Variants in HS6ST2 observed in about 807,000 individuals in gnomAD.
HS6ST2 encodes heparan sulfate 6-O-sulfotransferase 2, also known as heparan-sulfate 6-O-sulfotransferase 2.
A neutral mutation model predicts 33.0 loss-of-function variants in HS6ST2; 17 were observed. The ratio of observed to expected loss-of-function variants is 0.52; its 90% confidence interval spans 0.35 to 0.77. HS6ST2 has a LOEUF of 0.77. Among genes scored for constraint, HS6ST2 ranks in the 30% least tolerant of loss-of-function variants. The pLI, the probability that HS6ST2 is intolerant of heterozygous loss-of-function variation, is 0.01. For synonymous variants in HS6ST2, 248 were observed against 237.1 expected (o/e 1.05, Z -0.42); for missense variants, 519 against 551.7 (o/e 0.94, Z 0.59).
intron 2 of HS6ST2, among the ~76,000 whole-genome samples, chrX:132,897,654 A>T (rs1477206665): frequency 1.8e-5 from 2 of 111,138 alleles, no homozygotes; most frequent in Non-Finnish European, 3.8e-5. Flanking sequence ...TAGACATGCA[A>T]AAAAATAGGG....
chrX:132,709,680 G>T (rs746556394), intron 2 of HS6ST2, among the ~76,000 whole-genome samples: 1 of 110,411 alleles, frequency 9.1e-6, no homozygotes, highest in African/African-American at 3.3e-5. Flanking sequence ...CCAGCCGCAA[G>T]AAATAAGTAA....
At chrX:132,783,134 G>A (rs1328539005) in intron 2 of HS6ST2, among the ~76,000 whole-genome samples, 3 of 111,502 alleles carry the variant, frequency 2.7e-5, no homozygotes, top group African/African-American at 9.8e-5. Flanking sequence ...TCAGTGACCT[G>A]GGCCTCAGTT....
At chrX:132,670,347 GCCATGCACCCATCAGCTTCAAA>G (rs2063857702) in intron 3 of HS6ST2, among the ~76,000 whole-genome samples, 1 of 111,634 alleles carries the variant, frequency 9.0e-6, no homozygotes, top group Non-Finnish European at 1.9e-5. Flanking sequence ...AAGATATTCT[GCCATGCACCCATCAGCTTCAAA>G]TGACTTCATG....
chrX:132,703,692 C>T (rs1174686005), intron 3 of HS6ST2, among the ~76,000 whole-genome samples: 2 of 112,308 alleles, frequency 1.8e-5, no homozygotes, highest in Non-Finnish European at 3.8e-5. Flanking sequence ...GCCTGGAACA[C>T]TGGCAAGCCA....
At position 132,671,418 on chromosome X, in the gene HS6ST2, G is replaced by C. The variant is rs776678877; in HGVS notation, c.981-2219C>G. ...ATTTAAGTCATCACTAAATCACTAAGTGCTGAGTCACTAAGTTCATTCATT... is the reference window on the plus strand; with the variant it reads ...ATTTAAGTCATCACTAAATCACTAACTGCTGAGTCACTAAGTTCATTCATT... On this transcript the variant is annotated intron_variant, in intron 3 of 4. Transcript: ENST00000370833. 2.8e-5 allele frequency among the ~76,000 whole-genome samples: 3 copies of C among 107,203 alleles called. No individual in the cohort carries two copies. In the South Asian group the frequency reaches 1.3e-3, roughly 46 times the overall value. 93.1% of individuals were successfully genotyped at this position (107,203 alleles called of 115,157 possible). A position where few individuals can be genotyped will look rare whatever the true frequency, so the allele number is the denominator to read the frequency against.
chrX:132,921,989 T>C (rs1368609640), intron 2 of HS6ST2, among the ~76,000 whole-genome samples: 2 of 112,564 alleles, frequency 1.8e-5, no homozygotes, highest in Non-Finnish European at 3.7e-5. Context: ...CATTAGATGC[T>C]GATGAGCTAT....
At chrX:132,951,318 A>G (rs1470118280) in intron 2 of HS6ST2, among the ~76,000 whole-genome samples, 1 of 110,938 alleles carries the variant, frequency 9.0e-6, no homozygotes, top group East Asian at 2.9e-4. Flanking sequence ...CCTAACCATT[A>G]TTACTCCAAG....
At chrX:132,653,336 GTTC>G (rs1277300033) in intron 4 of HS6ST2, among the ~76,000 whole-genome samples, 1 of 112,253 alleles carries the variant, frequency 8.9e-6, no homozygotes, top group African/African-American at 3.2e-5. Context: ...TTTTCAATGT[GTTC>G]TTAATAGACC....
chrX:132,850,255 G>T (rs2065790063), intron 2 of HS6ST2, among the ~76,000 whole-genome samples: 1 of 111,927 alleles, frequency 8.9e-6, no homozygotes, highest in African/African-American at 3.2e-5. Context: ...GTATTATTAT[G>T]TAAATAATGA....
At chrX:132,701,613 A>G (rs1474961296) in intron 3 of HS6ST2, among the ~76,000 whole-genome samples, 1 of 111,936 alleles carries the variant, frequency 8.9e-6, no homozygotes, top group Non-Finnish European at 1.9e-5. Context: ...CTGCTTCCCC[A>G]TCTTCTCCCA....
intron 2 of HS6ST2, among the ~76,000 whole-genome samples, chrX:132,757,617 T>G (rs937365150): frequency 9.1e-6 from 1 of 110,309 alleles, no homozygotes; most frequent in African/African-American, 3.3e-5. Context: ...TCTCTCTCTC[T>G]CTCTCTCAGC....
chrX:132,759,443 G>A (rs2064785397), intron 2 of HS6ST2, among the ~76,000 whole-genome samples: 1 of 110,792 alleles, frequency 9.0e-6, no homozygotes, highest in Admixed American at 9.7e-5. Context: ...TAGCCTTCCT[G>A]AACTTCTCAG....
At position 132,915,518 on chromosome X, in the gene HS6ST2, T is replaced by C. The variant is rs760344502; in HGVS notation, c.947+41290A>G. Among the ~76,000 whole-genome samples, 10 of 111,587 alleles carry C rather than the reference T, an allele frequency of 9.0e-5. No individual in the cohort carries two copies. In the East Asian group the frequency reaches 2.3e-3, roughly 25 times the overall value. On this transcript the variant is annotated intron_variant, in intron 2 of 4. Coordinates refer to ENST00000370833, the MANE Select transcript of HS6ST2 (RefSeq NM_001394073.1). ...TCAGTTCTGTTAACTGTCTGCATGA[T>C]CTTGAGCCAATTGCTTATCCTCCCT...
intron 3 of HS6ST2, 116 bp from the exon 4 acceptor site, chrX:132,669,315 C>G: frequency 2.2e-6 from 1 of 463,209 alleles, no homozygotes; most frequent in Non-Finnish European, 3.5e-6. Flanking sequence ...CCCCACCACC[C>G]CCTGGCCAAT....
At chrX:132,879,804 T>G (rs980814205) in intron 2 of HS6ST2, among the ~76,000 whole-genome samples, 15 of 112,034 alleles carry the variant, frequency 1.3e-4, no homozygotes, top group Admixed American at 4.7e-4. Flanking sequence ...TAGCAGCTCA[T>G]TGAGTAATGG....
intron 2 of HS6ST2, among the ~76,000 whole-genome samples, chrX:132,822,003 A>G (rs1321943708): frequency 3.4e-5 from 3 of 87,208 alleles, no homozygotes; most frequent in African/African-American, 1.6e-4. Context: ...AAAATAAATA[A>G]ATGAAAGCAC....
At chrX:132,831,198 A>G (rs1053309222) in intron 2 of HS6ST2, among the ~76,000 whole-genome samples, 11 of 111,164 alleles carry the variant, frequency 9.9e-5, no homozygotes, top group African/African-American at 3.3e-4. Context: ...AATAATAAAC[A>G]TGAGGAGAAA....
chrX:132,921,869 T>C lies in HS6ST2; in HGVS notation c.947+34939A>G, dbSNP rs555327542. 2.7e-5 allele frequency among the ~76,000 whole-genome samples: 3 copies of C among 112,206 alleles called. No homozygotes were observed. In the South Asian group the frequency reaches 1.1e-3, roughly 42 times the overall value. On this transcript the variant is annotated intron_variant, in intron 2 of 4. Coordinates refer to ENST00000370833, the MANE Select transcript of HS6ST2 (RefSeq NM_001394073.1). ...GTCAATGAGAAGCCCATATCATCCT[T>C]CAGCCAGACATGTCAATGGCTTAAT...
chrX:132,769,710 A>G (rs1422029918), intron 2 of HS6ST2, among the ~76,000 whole-genome samples: 1 of 112,670 alleles, frequency 8.9e-6, no homozygotes, highest in African/African-American at 3.2e-5. Flanking sequence ...TTCTACCAAG[A>G]AAAAACACAC....
Sources: allele counts gnomAD v4.1 joint callset (sites outside exome capture counted in the v4.1 genomes callset), GRCh38; gene constraint gnomAD v4.1.1; transcripts MANE v1.5; gene names NCBI Gene and HGNC (gene_info 2026-07-23, HGNC 2026-07-21).